Variants in CCDC91 observed in about 807,000 individuals in gnomAD.
CCDC91 encodes coiled-coil domain containing 91.
CCDC91 carries 48 observed loss-of-function variants against 63.2 expected under a neutral mutation model. That is an observed-to-expected ratio of 0.76 (90% confidence interval 0.60 to 0.97). CCDC91 has a LOEUF of 0.97. CCDC91 is among the 50% of genes least tolerant of loss of function. The pLI is 0.00. For missense variants in CCDC91, 500 were observed against 494.6 expected (o/e 1.01, Z -0.10); for synonymous variants, 167 against 165.8 (o/e 1.01, Z -0.06).
intron 8 of CCDC91, among the ~76,000 whole-genome samples, chr12:28,444,919 CAA>C: frequency 6.6e-6 from 1 of 152,108 alleles, no homozygotes; most frequent in Admixed American, 6.5e-5. Context: ...TTTATTAAAA[CAA>C]TAGAAGCATT....
intron 7 of CCDC91, among the ~76,000 whole-genome samples, chr12:28,389,658 A>G (rs954812253): frequency 2.0e-5 from 3 of 152,102 alleles, no homozygotes; most frequent in Non-Finnish European, 4.4e-5. Context: ...GAGTATTTAA[A>G]TATTGAATAT....
chr12:28,327,412 A>T (rs1941114377), intron 6 of CCDC91, among the ~76,000 whole-genome samples: 1 of 152,022 alleles, frequency 6.6e-6, no homozygotes, highest in South Asian at 2.1e-4. Context: ...AGCAGACAAC[A>T]TGGTGCTGGC....
intron 3 of CCDC91, among the ~76,000 whole-genome samples, chr12:28,283,725 A>C (rs1427824852): frequency 2.6e-5 from 4 of 152,318 alleles, no homozygotes; most frequent in Non-Finnish European, 5.9e-5. Context: ...TATAGCTTAT[A>C]CATATAGCCT....
At chr12:28,299,576 C>T (rs951360234) in intron 3 of CCDC91, among the ~76,000 whole-genome samples, 2 of 151,452 alleles carry the variant, frequency 1.3e-5, no homozygotes, top group South Asian at 4.1e-4. Context: ...TAACATGGTG[C>T]CAAAAGTTGA....
rs1354093966 is a variant in CCDC91, at chr12:28,307,639, T to C, written c.472-6T>C. On this transcript the variant is annotated splice_region_variant and splice_polypyrimidine_tract_variant and intron_variant, in intron 5 of 12. Transcript: ENST00000536442. ...TACAAAGCTTGTATTTGTATTTTTA[T>C]TTTAGGATGTGGAATCATTGATGGA... 2 of 1,430,978 alleles carry C rather than the reference T, an allele frequency of 1.4e-6. No individual in the cohort carries two copies. Among genetic ancestry groups the C allele is most frequent in the Non-Finnish European group, 1.9e-6 (2 of 1,045,552 alleles). The allele number at this position is 1,430,978 out of a possible 1,614,324, so 88.6% of individuals were successfully genotyped here.
chr12:28,454,555 G>T (rs1258701282), intron 11 of CCDC91, among the ~76,000 whole-genome samples: 1 of 152,084 alleles, frequency 6.6e-6, no homozygotes, highest in Non-Finnish European at 1.5e-5. Flanking sequence ...ATCTTTCTTG[G>T]ACTGGGCAGG....
At chr12:28,468,296 A>G (rs758134852) in intron 11 of CCDC91, among the ~76,000 whole-genome samples, 17 of 151,698 alleles carry the variant, frequency 1.1e-4, no homozygotes, top group Admixed American at 1.1e-3. Context: ...AGTATCTCCT[A>G]CTGGCTACTA....
At chr12:28,307,878 C>A (rs952504680) in intron 6 of CCDC91, 129 bp downstream of exon 6, 4 of 601,308 alleles carry the variant, frequency 6.7e-6, no homozygotes, top group African/African-American at 4.0e-5. Flanking sequence ...ATAAAACTGA[C>A]CAACATGGGC....
At position 28,306,960 on chromosome 12, in the gene CCDC91, G is replaced by A. The variant is rs541986218; in HGVS notation, c.471+15G>A. ...GAATTAAACAGGTATATTTACATTT[G>A]CCTAAGAAATGTTTGAATTGCAAAT... is the stretch of plus-strand genomic sequence containing the variant. On this transcript the variant is annotated intron_variant, in intron 5 of 12. Coordinates refer to ENST00000536442, the MANE Select transcript of CCDC91 (RefSeq NM_018318.5). 1.3e-6 allele frequency: 2 copies of A among 1,502,582 alleles called. No individual in the cohort carries two copies. The highest frequency in any genetic ancestry group is 1.8e-5 in the Admixed American group (1 of 55,120). 93.1% of individuals were successfully genotyped at this position (1,502,582 alleles called of 1,614,324 possible).
chr12:28,239,049 G>A (rs1181260496), intron 1 of CCDC91, among the ~76,000 whole-genome samples: 1 of 151,810 alleles, frequency 6.6e-6, no homozygotes, highest in East Asian at 1.9e-4. Context: ...GAACCCAGGA[G>A]GCGGAGGTTG....
intron 3 of CCDC91, among the ~76,000 whole-genome samples, chr12:28,300,742 A>G (rs893604924): frequency 2.0e-5 from 3 of 151,620 alleles, no homozygotes; most frequent in African/African-American, 7.2e-5. Flanking sequence ...CTATCCTATT[A>G]CAAGAGATAT....
At chr12:28,358,430 G>T (rs1485964032) in intron 6 of CCDC91, among the ~76,000 whole-genome samples, 1 of 152,114 alleles carries the variant, frequency 6.6e-6, no homozygotes, top group African/African-American at 2.4e-5. Context: ...TCAAATCTTG[G>T]CCATTCTAGT....
chr12:28,354,367 C>T (rs1406312841), intron 6 of CCDC91, among the ~76,000 whole-genome samples: 2 of 152,080 alleles, frequency 1.3e-5, no homozygotes, highest in African/African-American at 4.8e-5. Flanking sequence ...GTAAGGATAC[C>T]AATAATTGGA....
At chr12:28,412,523 G>T (rs780678714) in intron 8 of CCDC91, among the ~76,000 whole-genome samples, 2 of 152,106 alleles carry the variant, frequency 1.3e-5, no homozygotes, top group Admixed American at 1.3e-4. Flanking sequence ...TGGTGGGATC[G>T]TGGTCTTGCT....
chr12:28,529,224 AGTGTTTTGCT>A (rs1941536619), intron 12 of CCDC91, among the ~76,000 whole-genome samples: 1 of 152,144 alleles, frequency 6.6e-6, no homozygotes, highest in South Asian at 2.1e-4. Flanking sequence ...TTATATGTCT[AGTGTTTTGCT>A]GTTTTTCTCT....
chr12:28,455,689 T>C (rs1254753186), intron 11 of CCDC91, among the ~76,000 whole-genome samples: 1 of 152,022 alleles, frequency 6.6e-6, no homozygotes, highest in Non-Finnish European at 1.5e-5. Context: ...TTTTTTTCTT[T>C]GTAGCTTTGC....
intron 8 of CCDC91, among the ~76,000 whole-genome samples, chr12:28,413,646 C>T (rs1014405561): frequency 2.6e-5 from 4 of 152,148 alleles, no homozygotes; most frequent in African/African-American, 7.2e-5. Flanking sequence ...ATTTGTTCTT[C>T]CTCTTTCTTA....
In CCDC91 at chr12:28,303,142, T is replaced by G. The variant is rs139481062; in HGVS notation, c.110-2507T>G. Among the ~76,000 whole-genome samples, 129 of 152,220 alleles carry G rather than the reference T, an allele frequency of 8.5e-4. 3 individuals carry two copies. Among genetic ancestry groups the G allele is most frequent in the African/African-American group, 3.0e-3 (124 of 41,566 alleles). ...TAAAGAAAGATAAGATCAGAAGTGT[T>G]TATTTGATTTAATAGTATCTGATAC... is the stretch of plus-strand genomic sequence containing the variant. On this transcript the variant is annotated intron_variant, in intron 3 of 12. Coordinates refer to ENST00000536442, the MANE Select transcript of CCDC91 (RefSeq NM_018318.5).
At chr12:28,493,864 T>C (rs1952143698) in intron 12 of CCDC91, among the ~76,000 whole-genome samples, 1 of 151,706 alleles carries the variant, frequency 6.6e-6, no homozygotes, top group African/African-American at 2.4e-5. Context: ...ATTGGTCTGA[T>C]CATTCAACTT....
Sources: gnomAD v4.1 joint callset for allele counts (sites outside exome capture counted in the v4.1 genomes callset) on GRCh38, gnomAD v4.1.1 for gene constraint, MANE v1.5 for transcripts, NCBI Gene and HGNC (gene_info 2026-07-23, HGNC 2026-07-21) for gene names.